The following KCNAB1 variants were observed in gnomAD, a reference collection of about 807,000 sequenced individuals.
KCNAB1 encodes potassium voltage-gated channel subfamily A regulatory beta subunit 1.
A neutral mutation model predicts 64.6 loss-of-function variants in KCNAB1; 35 were observed. That is an observed-to-expected ratio of 0.54 (90% CI 0.41 to 0.72). The LOEUF is 0.72. Among genes scored for constraint, KCNAB1 ranks in the 30% least tolerant of loss-of-function variants. The pLI is 0.00. For missense variants in KCNAB1, 401 were observed against 512.9 expected (o/e 0.78, Z 2.11); for synonymous variants, 177 against 183.8 (o/e 0.96, Z 0.30).
chr3:156,187,264 A>C (rs1344955733), intron 1 of KCNAB1, among the ~76,000 whole-genome samples: 1 of 150,816 alleles, frequency 6.6e-6, no homozygotes, highest in Non-Finnish European at 1.5e-5. Flanking sequence ...CCCTTTATAC[A>C]CTCCCCATGA....
chr3:156,168,356 C>T (rs1278440291), intron 1 of KCNAB1, among the ~76,000 whole-genome samples: 1 of 152,014 alleles, frequency 6.6e-6, no homozygotes, highest in Admixed American at 6.6e-5. Context: ...AAACACACTG[C>T]CTATTATCAT....
chr3:156,196,266 T>A (rs1270546817), intron 1 of KCNAB1, among the ~76,000 whole-genome samples: 1 of 152,192 alleles, frequency 6.6e-6, no homozygotes, highest in Non-Finnish European at 1.5e-5. Context: ...TTGTTCTTTT[T>A]GCTTAGGATT....
At position 156,537,104 on chromosome 3, in the gene KCNAB1, A is replaced by G. The variant is rs1242769780; in HGVS notation, c.*357A>G. 2.5e-6 allele frequency: 1 copy of G among 402,652 alleles called. No homozygotes were observed. The highest frequency in any genetic ancestry group is 4.4e-6 in the Non-Finnish European group (1 of 228,692). The allele number at this position is 402,652 out of a possible 1,614,324, so 24.9% of individuals were successfully genotyped here. On this transcript the variant is annotated 3_prime_UTR_variant, in exon 14 of 14. Transcript: ENST00000490337. ...ACAGATATATTTTTTCAAAAGAACA[A>G]AATCCACAGATGCAATGTGAGTTGC...
Position 156,295,243 on chromosome 3 carries a change from T to A in KCNAB1, c.276-126373T>A, listed in dbSNP as rs561467558. Among the ~76,000 whole-genome samples, 55 of 152,296 alleles carry A rather than the reference T, an allele frequency of 3.6e-4. No homozygotes were observed. The Middle Eastern group carries it at 0.01, about 28-fold the overall frequency. On this transcript the variant is annotated intron_variant, in intron 1 of 13. Coordinates refer to ENST00000490337, the MANE Select transcript of KCNAB1 (RefSeq NM_172160.3). ...TAATGATTGCATCTTGGGGCATGAG[T>A]AATTGTGCGTATGTCTGCCACCCAT...
rs1553822949 is a variant in KCNAB1 at position 156,218,801 on chromosome 3, A to ATAAAAT, written c.275+97915_275+97916insTAAAAT. 5.3e-5 allele frequency among the ~76,000 whole-genome samples: 6 copies of ATAAAAT among 112,220 alleles called. No individual in the cohort carries two copies. In the East Asian group the frequency reaches 1.1e-3, roughly 21 times the overall value. 73.6% of individuals were successfully genotyped at this position (112,220 alleles called of 152,430 possible). ...CCCAGAACAGCAAAAAAAAAAAAAAAAATAATAATAAAATAAAATAAAAAT... is the reference window on the plus strand; with the variant it reads ...CCCAGAACAGCAAAAAAAAAAAAAAATAAAATAATAATAATAAAATAAAATAAAAAT... On this transcript the variant is annotated intron_variant, in intron 1 of 13. Transcript: ENST00000490337.
intron 8 of KCNAB1, among the ~76,000 whole-genome samples, chr3:156,505,279 T>G (rs891792698): frequency 8.5e-5 from 13 of 152,218 alleles, no homozygotes; most frequent in Non-Finnish European, 1.5e-4. Context: ...TTTATGCCAG[T>G]ATCACACTAT....
intron 8 of KCNAB1, among the ~76,000 whole-genome samples, chr3:156,481,802 A>G (rs115721170): frequency 0.01 from 1,588 of 152,262 alleles, 20 homozygotes; most frequent in African/African-American, 0.037. Context: ...CTATCCTCAC[A>G]GAGGCTCACT....
At chr3:156,289,697 G>A (rs944995644) in intron 1 of KCNAB1, among the ~76,000 whole-genome samples, 1 of 152,192 alleles carries the variant, frequency 6.6e-6, no homozygotes, top group African/African-American at 2.4e-5. Context: ...GAAGGTTGTG[G>A]AGAGTGAATG....
At chr3:156,176,882 TG>T in intron 1 of KCNAB1, 2 of 1,174,340 alleles carry the variant, frequency 1.7e-6, no homozygotes, top group Non-Finnish European at 2.5e-6. Context: ...GCGGTAACTC[TG>T]GGCCTGTACG....
chr3:156,296,469 C>A (rs914959499), intron 1 of KCNAB1, among the ~76,000 whole-genome samples: 4 of 148,644 alleles, frequency 2.7e-5, no homozygotes, highest in East Asian at 3.9e-4. Context: ...ACTCCCCCCC[C>A]CCCCACCTTT....
At chr3:156,187,869 A>G (rs1205138690) in intron 1 of KCNAB1, among the ~76,000 whole-genome samples, 3 of 152,204 alleles carry the variant, frequency 2.0e-5, no homozygotes, top group African/African-American at 7.2e-5. Context: ...CACAGTATAC[A>G]TTCCCCTTCA....
chr3:156,438,555 C>T (rs1449907592), intron 2 of KCNAB1, among the ~76,000 whole-genome samples: 1 of 152,080 alleles, frequency 6.6e-6, no homozygotes, highest in Admixed American at 6.6e-5. Context: ...CTGAAAAAGT[C>T]ATTTATGTTC....
chr3:156,309,108 A>G (rs531561092), intron 1 of KCNAB1, among the ~76,000 whole-genome samples: 1 of 152,340 alleles, frequency 6.6e-6, no homozygotes, highest in African/African-American at 2.4e-5. Context: ...GAAATGTATT[A>G]GAAATTTATT....
intron 1 of KCNAB1, among the ~76,000 whole-genome samples, chr3:156,338,302 A>ATTTTTTTTTTTT (rs1723857966): frequency 5.8e-5 from 1 of 17,292 alleles, no homozygotes; most frequent in Non-Finnish European, 1.2e-4. Flanking sequence ...TGGCATTTGC[A>ATTTTTTTTTTTT]CTTTTTTTTT....
At chr3:156,300,619 G>A (rs560447058) in intron 1 of KCNAB1, among the ~76,000 whole-genome samples, 46 of 151,606 alleles carry the variant, frequency 3.0e-4, no homozygotes, top group African/African-American at 1.1e-3. Flanking sequence ...TGTTTTAGAA[G>A]GAAAAAAAAT....
At chr3:156,437,662 G>T (rs1301635199) in intron 2 of KCNAB1, among the ~76,000 whole-genome samples, 7 of 151,956 alleles carry the variant, frequency 4.6e-5, no homozygotes, top group Non-Finnish European at 8.8e-5. Context: ...AGCTTCTTTT[G>T]CTACAGTCAT....
intron 1 of KCNAB1, among the ~76,000 whole-genome samples, chr3:156,395,634 A>T (rs970038412): frequency 1.1e-4 from 16 of 149,504 alleles, no homozygotes; most frequent in African/African-American, 3.9e-4. Context: ...TACTGTTTTC[A>T]AAAGGAAGCT....
chr3:156,407,724 C>T (rs559555670), intron 1 of KCNAB1, among the ~76,000 whole-genome samples: 83 of 152,316 alleles, frequency 5.4e-4, no homozygotes, highest in African/African-American at 1.7e-3. Context: ...TTTCCATTCC[C>T]CTTCTCAAAC....
Position 156,368,390 on chromosome 3 carries a change from C to G in KCNAB1, c.276-53226C>G, listed in dbSNP as rs543946074. Reference sequence around the variant, plus strand: ...GGGGATGATGAGCAACAGTTTCACTCTTTGTCACTGTTGTTTAGAGGAAGT... The same window carrying G: ...GGGGATGATGAGCAACAGTTTCACTGTTTGTCACTGTTGTTTAGAGGAAGT... On this transcript the variant is annotated intron_variant, in intron 1 of 13. Transcript: ENST00000490337. Among the ~76,000 whole-genome samples, 10 of 152,264 alleles carry G rather than the reference C, an allele frequency of 6.6e-5. No homozygotes were observed. The South Asian group carries it at 1.0e-3, about 16-fold the overall frequency.
Sources: gnomAD v4.1 joint callset for allele counts (sites outside exome capture counted in the v4.1 genomes callset) on GRCh38, gnomAD v4.1.1 for gene constraint, MANE v1.5 for transcripts, NCBI Gene and HGNC (gene_info 2026-07-23, HGNC 2026-07-21) for gene names.